Variants in NPAS3 observed in about 807,000 individuals in gnomAD.
The protein encoded by NPAS3 is neuronal PAS domain protein 3.
NPAS3 carries 14 observed loss-of-function variants against 73.1 expected under a neutral mutation model. The observed-to-expected ratio is 0.19, with a 90% CI of 0.13 to 0.30. NPAS3 has a LOEUF of 0.30. NPAS3 is among the 10% of genes least tolerant of loss of function. The probability of loss-of-function intolerance (pLI) is 1.00; values close to 1 mark genes in which losing one functional copy is unlikely to be tolerated. For missense variants in NPAS3, 1,096 were observed against 1,250.0 expected (o/e 0.88, Z 1.86); for synonymous variants, 620 against 541.5 (o/e 1.14, Z -2.01).
intron 1 of NPAS3, among the ~76,000 whole-genome samples, chr14:32,971,363 G>A (rs2037416938): frequency 6.6e-6 from 1 of 152,116 alleles, no homozygotes; most frequent in African/African-American, 2.4e-5. Flanking sequence ...GGGATTACAG[G>A]TGTGAGCCAC....
At chr14:33,682,951 C>A (rs1269260062) in intron 6 of NPAS3, among the ~76,000 whole-genome samples, 1 of 152,182 alleles carries the variant, frequency 6.6e-6, no homozygotes, top group Non-Finnish European at 1.5e-5. Flanking sequence ...AATTCCTTGA[C>A]CCACACGTTG....
chr14:33,010,722 A>C (rs1210351714), intron 1 of NPAS3, among the ~76,000 whole-genome samples: 1 of 152,052 alleles, frequency 6.6e-6, no homozygotes, highest in Non-Finnish European at 1.5e-5. Flanking sequence ...CAGGCCAAGG[A>C]GAGATAATCA....
At position 33,251,186 on chromosome 14, in the gene NPAS3, G is replaced by A. The variant is rs140935774; in HGVS notation, c.385+35760G>A. Among the ~76,000 whole-genome samples, 579 of 152,132 alleles carry A rather than the reference G, an allele frequency of 3.8e-3. 3 individuals carry two copies. The highest frequency in any genetic ancestry group is 0.013 in the African/African-American group (541 of 41,500). On this transcript the variant is annotated intron_variant, in intron 3 of 11. Transcript: ENST00000356141. ...AGAGAAATCTGAAGCCATCAATCTCGCTTATCAGTACTACTCAGTGTGATT... is the reference window on the plus strand; with the variant it reads ...AGAGAAATCTGAAGCCATCAATCTCACTTATCAGTACTACTCAGTGTGATT...
At chr14:33,467,267 G>A (rs1460211361) in intron 4 of NPAS3, among the ~76,000 whole-genome samples, 4 of 152,196 alleles carry the variant, frequency 2.6e-5, no homozygotes, top group Non-Finnish European at 4.4e-5. Context: ...CTCAACACAT[G>A]TGCCAGGTCA....
chr14:33,097,971 T>G (rs1261739680), intron 2 of NPAS3, among the ~76,000 whole-genome samples: 1 of 152,194 alleles, frequency 6.6e-6, no homozygotes, highest in African/African-American at 2.4e-5. Flanking sequence ...ACTCATTTAA[T>G]TGTATCTGTA....
intron 4 of NPAS3, among the ~76,000 whole-genome samples, chr14:33,445,673 C>T (rs2049454566): frequency 6.6e-6 from 1 of 152,220 alleles, no homozygotes; most frequent in Non-Finnish European, 1.5e-5. Context: ...AGCTTTAAAT[C>T]TTCAAGAGAC....
At chr14:33,004,898 C>T (rs904753995) in intron 1 of NPAS3, among the ~76,000 whole-genome samples, 7 of 135,604 alleles carry the variant, frequency 5.2e-5, no homozygotes, top group Non-Finnish European at 9.2e-5. Context: ...TAGGACTATA[C>T]GGTATCAAGG....
intron 5 of NPAS3, among the ~76,000 whole-genome samples, chr14:33,607,407 CAAA>C (rs35133518): frequency 8.0e-6 from 1 of 125,216 alleles, no homozygotes; most frequent in Non-Finnish European, 1.9e-5. Flanking sequence ...TAAGCCAAAC[CAAA>C]AAAAAAAAAA....
Position 33,676,402 on chromosome 14 carries a change from C to T in NPAS3, c.733+17C>T. On this transcript the variant is annotated intron_variant, in intron 6 of 11. Coordinates refer to ENST00000356141, the Ensembl canonical transcript of NPAS3. The stretch of plus-strand genomic sequence containing the variant: ...CCGAGCCAGGTGGGAATTGCAAACC[C>T]AGTGTGTGGGTTGGTGGGCAGGACC... 1 of 1,544,942 alleles carries T rather than the reference C, an allele frequency of 6.5e-7. No individual in the cohort carries two copies.
chr14:33,594,371 A>G (rs764840621), intron 5 of NPAS3, among the ~76,000 whole-genome samples: 75 of 152,350 alleles, frequency 4.9e-4, no homozygotes, highest in Non-Finnish European at 5.9e-4. Context: ...GAACCCACAA[A>G]TATGGAGGAC....
chr14:33,219,406 T>C (rs1439381020), intron 3 of NPAS3, among the ~76,000 whole-genome samples: 1 of 152,222 alleles, frequency 6.6e-6, no homozygotes, highest in Non-Finnish European at 1.5e-5. Context: ...TATTTCAATT[T>C]AAACATTGCA....
At chr14:33,408,631 A>G (rs189683222) in intron 4 of NPAS3, among the ~76,000 whole-genome samples, 13 of 152,310 alleles carry the variant, frequency 8.5e-5, no homozygotes, top group Non-Finnish European at 1.9e-4. Flanking sequence ...TTATAAATGT[A>G]ACTCGTGTTC....
intron 3 of NPAS3, among the ~76,000 whole-genome samples, chr14:33,230,792 G>A (rs1029914716): frequency 3.3e-5 from 5 of 151,946 alleles, no homozygotes; most frequent in African/African-American, 4.8e-5. Context: ...TTCTGAATAG[G>A]TGTGAAAAAT....
intron 6 of NPAS3, among the ~76,000 whole-genome samples, chr14:33,717,313 G>T (rs1174560576): frequency 1.3e-5 from 2 of 150,686 alleles, no homozygotes; most frequent in Non-Finnish European, 2.9e-5. Context: ...CTAGAGTTTA[G>T]TGACATAGGC....
intron 1 of NPAS3, among the ~76,000 whole-genome samples, chr14:33,051,961 G>A (rs1168015805): frequency 1.3e-5 from 2 of 152,002 alleles, no homozygotes; most frequent in African/African-American, 2.4e-5. Flanking sequence ...GAGTTTCACC[G>A]TGTTAGCCAG....
At chr14:33,411,396 T>C (rs2047921541) in intron 4 of NPAS3, among the ~76,000 whole-genome samples, 1 of 152,124 alleles carries the variant, frequency 6.6e-6, no homozygotes, top group Non-Finnish European at 1.5e-5. Context: ...TTGGCCAGGC[T>C]GGTCTTGAAC....
At chr14:33,689,308 G>A (rs181233511) in intron 6 of NPAS3, among the ~76,000 whole-genome samples, 27 of 152,254 alleles carry the variant, frequency 1.8e-4, no homozygotes, top group Non-Finnish European at 2.2e-4. Flanking sequence ...ATATTAACAC[G>A]TCTTATAAGA....
At chr14:33,561,467 G>A (rs1371146146) in intron 5 of NPAS3, among the ~76,000 whole-genome samples, 4 of 152,202 alleles carry the variant, frequency 2.6e-5, no homozygotes, top group South Asian at 4.1e-4. Context: ...AGTGTGTGGA[G>A]TAATTCTATT....
chr14:33,746,645 A>C (rs930149610), intron 7 of NPAS3, among the ~76,000 whole-genome samples: 4 of 152,134 alleles, frequency 2.6e-5, no homozygotes, highest in African/African-American at 9.7e-5. Flanking sequence ...TCTGTGAGAC[A>C]TGTATTATCA....
Sources: allele counts gnomAD v4.1 joint callset (sites outside exome capture counted in the v4.1 genomes callset), GRCh38; gene constraint gnomAD v4.1.1; transcripts MANE v1.5; gene names NCBI Gene and HGNC (gene_info 2026-07-23, HGNC 2026-07-21).